Variants in NEDD9 observed in about 807,000 individuals in gnomAD.
NEDD9 encodes neural precursor cell expressed, developmentally down-regulated 9, also known as enhancer of filamentation 1.
A neutral mutation model predicts 76.6 loss-of-function variants in NEDD9; 26 were observed. The ratio of observed to expected loss-of-function variants is 0.34; its 90% CI spans 0.25 to 0.47. The LOEUF (loss-of-function observed/expected upper bound fraction) is 0.47, where lower values mean the gene tolerates loss of function less well. Among genes scored for constraint, NEDD9 ranks in the 20% least tolerant of loss-of-function variants. The probability of loss-of-function intolerance (pLI) is 1.00; values close to 1 mark genes in which losing one functional copy is unlikely to be tolerated. For synonymous variants in NEDD9, 392 were observed against 414.2 expected (o/e 0.95, Z 0.65); for missense variants, 937 against 1,058.5 (o/e 0.89, Z 1.59).
chr6:11,279,370 T>C (rs1025375072), intron 3 of NEDD9, among the ~76,000 whole-genome samples: 5 of 152,222 alleles, frequency 3.3e-5, no homozygotes, highest in Non-Finnish European at 5.9e-5. Flanking sequence ...TGCGGGTGCT[T>C]GGACAAACAC....
intron 3 of NEDD9, among the ~76,000 whole-genome samples, chr6:11,287,558 T>C (rs1038310747): frequency 1.3e-5 from 2 of 151,438 alleles, no homozygotes; most frequent in Non-Finnish European, 2.9e-5. Flanking sequence ...ACAGAACACA[T>C]AAATAAAAAG....
intron 2 of NEDD9, among the ~76,000 whole-genome samples, chr6:11,307,411 G>C (rs967039719): frequency 1.3e-5 from 2 of 152,172 alleles, no homozygotes; most frequent in Non-Finnish European, 2.9e-5. Context: ...TGACTCATTT[G>C]CTCTGCCTGA....
Position 11,193,671 on chromosome 6 carries a change from C to G in NEDD9, c.481G>C (p.Gly161Arg), listed in dbSNP as rs754856017. The change falls in exon 3 of 7, where the codon GGC becomes CGC. Residue 161 changes from glycine to arginine, a missense_variant. Physicochemically the swap from Gly to Arg is moderately radical, Grantham distance 125 (BLOSUM62 -2). Coordinates refer to ENST00000379446, the MANE Select transcript of NEDD9 (RefSeq NM_006403.4). ...GGGTACTCGTATACGTAGCCATGGC[C>G]TGTCCTCACGGGGGTTATCACCTGT... ...GKKVITPVRT[G>R]HGYVYEYPSR... The G allele has an allele frequency of 3.1e-6, 5 of 1,613,914 alleles. No homozygotes were observed. Among genetic ancestry groups the G allele is most frequent in the African/African-American group, 1.3e-5 (1 of 75,012 alleles).
Position 11,190,576 on chromosome 6 carries a change from G to A in NEDD9, c.1293C>T (p.Val431=). The change falls in exon 5 of 7, where the codon GTC becomes GTT. Residue 431 remains valine, a synonymous_variant. Coordinates refer to ENST00000379446, the MANE Select transcript of NEDD9 (RefSeq NM_006403.4). The surrounding 1 kb of genome is among the most constrained non-coding windows in gnomAD (Gnocchi z 5.8). The stretch of plus-strand genomic sequence containing the variant: ...ATCCGTAACACCGCCAGTCGGTAGT[G>A]ACCAGTGCCATTAGGCTGGAGACAC... ...EMGVSSLMAL[V]TTDWRCYGYM... The A allele has an allele frequency of 6.2e-7, 1 of 1,614,218 alleles. No individual in the cohort carries two copies. Among genetic ancestry groups the A allele is most frequent in the African/African-American group, 1.3e-5 (1 of 75,068 alleles).
intron 2 of NEDD9, among the ~76,000 whole-genome samples, chr6:11,195,146 G>A (rs75487920): frequency 0.046 from 6,964 of 152,280 alleles, 228 homozygotes; most frequent in Non-Finnish European, 0.067. Flanking sequence ...TCAGCCAAAT[G>A]CACCAATGCC....
At chr6:11,335,717 C>A (rs1308746547) in intron 1 of NEDD9, among the ~76,000 whole-genome samples, 2 of 152,180 alleles carry the variant, frequency 1.3e-5, no homozygotes, top group Non-Finnish European at 2.9e-5. Context: ...AATAAACAAA[C>A]TTATTTCTCA....
chr6:11,221,382 T>TA (rs35887409), intron 1 of NEDD9, among the ~76,000 whole-genome samples: 68,178 of 129,694 alleles, frequency 0.53, 17,384 homozygotes, highest in East Asian at 0.72. Context: ...GACTCTGTCA[T>TA]AAAAAAAAAA....
intron 2 of NEDD9, chr6:11,200,231 G>A (rs1387138631): frequency 8.8e-6 from 4 of 453,900 alleles, no homozygotes; most frequent in African/African-American, 6.0e-5. Flanking sequence ...GAACCCTAAG[G>A]ACTGTATCCA....
At position 11,190,280 on chromosome 6, in the gene NEDD9, C is replaced by T. The variant is rs148857388; in HGVS notation, c.1589G>A (p.Arg530Gln). The T allele has an allele frequency of 6.7e-5, 108 of 1,614,214 alleles. No homozygotes were observed. Among genetic ancestry groups the T allele is most frequent in the Middle Eastern group, 4.9e-4 (3 of 6,062 alleles). ...CACCGTCTTTGCCACCATCACAAAC[C>T]GGTCCAGATCGTCACACTTGTTCTG... ...KPQNKCDDLDRFVMVAKTVPD... is the reference protein window; with the variant it reads ...KPQNKCDDLDQFVMVAKTVPD... Residue 530 changes from arginine to glutamine, a missense_variant, in exon 5 of 7, where the codon CGG (arginine) becomes CAG (glutamine). Physicochemically the swap from Arg to Gln is conservative, Grantham distance 43. Coordinates refer to ENST00000379446, the MANE Select transcript of NEDD9 (RefSeq NM_006403.4). The surrounding 1 kb of genome is among the most constrained non-coding windows in gnomAD (Gnocchi z 5.8).
chr6:11,345,128 G>A (rs764809144), intron 1 of NEDD9, among the ~76,000 whole-genome samples: 93 of 152,182 alleles, frequency 6.1e-4, no homozygotes, highest in Non-Finnish European at 1.1e-3. Flanking sequence ...AGGATGAGAA[G>A]GGGAGTGAGA....
chr6:11,201,163 T>A, intron 2 of NEDD9: 1 of 1,187,044 alleles, frequency 8.4e-7, no homozygotes, highest in Non-Finnish European at 1.2e-6. Flanking sequence ...TTCACCTCCT[T>A]AATGCAGAGC....
Position 11,300,657 on chromosome 6 carries a change from C to T in NEDD9, c.12+5335G>A, listed in dbSNP as rs563848577. ...AAAGGGAAGCCCATCAGACTAACAG[C>T]GGATCTGTTGGCAGAAACCCTACAA... On this transcript the variant is annotated intron_variant, in intron 3 of 3. Coordinates refer to the NEDD9 transcript ENST00000397378. 3.9e-5 allele frequency among the ~76,000 whole-genome samples: 6 copies of T among 152,200 alleles called. 1 individual carries two copies. Among genetic ancestry groups the T allele is most frequent in the South Asian group, 4.2e-4 (2 of 4,810 alleles).
chr6:11,249,029 C>A, intron 3 of NEDD9: 1 of 429,192 alleles, frequency 2.3e-6, no homozygotes, highest in Non-Finnish European at 4.7e-6. Context: ...CAGTTTTCAT[C>A]CCCATGATGG....
chr6:11,341,701 C>A (rs1006040432), intron 1 of NEDD9, among the ~76,000 whole-genome samples: 1 of 152,182 alleles, frequency 6.6e-6, no homozygotes, highest in Non-Finnish European at 1.5e-5. Context: ...TTCTTCATTG[C>A]AGGTACTATT....
intron 3 of NEDD9, among the ~76,000 whole-genome samples, chr6:11,278,036 G>A (rs1760451246): frequency 6.6e-6 from 1 of 152,164 alleles, no homozygotes. Context: ...TCGGAGGCTG[G>A]AGGGAGAATG....
chr6:11,283,911 T>C (rs755694941), intron 3 of NEDD9, among the ~76,000 whole-genome samples: 3 of 152,150 alleles, frequency 2.0e-5, no homozygotes, highest in Non-Finnish European at 2.9e-5. Context: ...CTTCCTGGGT[T>C]TGGAAATCAT....
At chr6:11,239,898 G>T (rs1434785866) in intron 3 of NEDD9, among the ~76,000 whole-genome samples, 1 of 151,958 alleles carries the variant, frequency 6.6e-6, no homozygotes. Context: ...ACAAAAATTA[G>T]CTGGGCATGG....
chr6:11,257,709 TG>T (rs925669109), intron 3 of NEDD9, among the ~76,000 whole-genome samples: 5 of 151,956 alleles, frequency 3.3e-5, no homozygotes, highest in Non-Finnish European at 7.4e-5. Context: ...CTAAACAAGA[TG>T]AGGGCCGAGG....
At position 11,229,752 on chromosome 6, in the gene NEDD9, A is replaced by C. The variant is rs185787796; in HGVS notation, c.12+2752T>G. Among the ~76,000 whole-genome samples, 226 of 152,352 alleles carry C rather than the reference A, an allele frequency of 1.5e-3. 2 individuals carry two copies. The highest frequency in any genetic ancestry group is 5.2e-3 in the African/African-American group (218 of 41,582). On this transcript the variant is annotated intron_variant, in intron 1 of 6. Transcript: ENST00000379446. ...AGTGACTGCAACCTTCCTGTGGACA[A>C]ATAAAAACATACAGGGAAATAAAGA...
Sources: gnomAD v4.1 joint callset for allele counts (sites outside exome capture counted in the v4.1 genomes callset) on GRCh38, gnomAD v4.1.1 for gene constraint, Gnocchi (gnomAD v3.1) non-coding constraint, MANE v1.5 for transcripts, NCBI Gene and HGNC (gene_info 2026-07-23, HGNC 2026-07-21) for gene names.